The following RELN variants were observed in gnomAD, a reference collection of about 807,000 sequenced individuals.
RELN encodes the protein reelin.
A neutral mutation model predicts 427.6 loss-of-function variants in RELN; 108 were observed. That is an observed-to-expected ratio of 0.25 (90% CI 0.22 to 0.30). The LOEUF is 0.30. Ranked by LOEUF, RELN falls within the 10% of genes least tolerant of loss-of-function variation. RELN has a pLI of 1.00. For synonymous variants in RELN, 1,524 were observed against 1,513.4 expected, an observed-to-expected ratio of 1.01 and a Z score of -0.16; for missense variants, 3,715 against 4,302.8, an observed-to-expected ratio of 0.86 and a Z score of 3.82.
intron 57 of RELN, among the ~76,000 whole-genome samples, chr7:103,492,390 T>C (rs1828702954): frequency 2.0e-5 from 3 of 152,200 alleles, no homozygotes; most frequent in Admixed American, 1.3e-4. Flanking sequence ...AGCCTAACTT[T>C]CTTGATTGTT....
chr7:103,799,541 T>G (rs1385649370), intron 3 of RELN, among the ~76,000 whole-genome samples: 1 of 152,192 alleles, frequency 6.6e-6, no homozygotes, highest in Non-Finnish European at 1.5e-5. Context: ...TCCAATTATG[T>G]CTGGGGGAAT....
chr7:103,704,810 T>C (rs1197949315), intron 8 of RELN, among the ~76,000 whole-genome samples: 2 of 152,144 alleles, frequency 1.3e-5, no homozygotes, highest in Non-Finnish European at 2.9e-5. Flanking sequence ...TTTCTCACAA[T>C]CTATTTTCTT....
chr7:103,987,074 C>CAA (rs67498168), intron 1 of RELN, among the ~76,000 whole-genome samples: 12,541 of 118,936 alleles, frequency 0.11, 1,052 homozygotes, highest in East Asian at 0.28. Flanking sequence ...GAACATTTTA[C>CAA]AAAAAAAAAA....
chr7:103,786,232 TAAG>T (rs1792011367), intron 3 of RELN, among the ~76,000 whole-genome samples: 1 of 151,988 alleles, frequency 6.6e-6, no homozygotes, highest in Admixed American at 6.6e-5. Context: ...ATATTCATAC[TAAG>T]GAGAGATAAT....
chr7:103,540,394 G>T lies in RELN; in HGVS notation c.6733C>A (p.Pro2245Thr). The T allele has an allele frequency of 1.2e-6, 2 of 1,613,982 alleles. No homozygotes were observed. The highest frequency in any genetic ancestry group is 1.3e-5 in the African/African-American group (1 of 75,032). The change falls in exon 44 of 65, where the codon CCC (proline) becomes ACC (threonine). Residue 2245 changes from proline (P) to threonine (T), a missense_variant. By Grantham distance (38) the Pro-to-Thr change is conservative. Around this residue, in one of 4 missense-constraint regions of RELN, gnomAD observed 1,310 missense variants for 1,643.0 expected, o/e 0.80. Coordinates refer to ENST00000428762, the MANE Select transcript of RELN (RefSeq NM_005045.4). ...GKGVPDPRSQ[P>T]VLLQYSLNGG... ...TTGAGAGAATACTGTAGGAGCACGGGTTGACTCCTGGGGTCAGGAACGCCT... is the reference window on the plus strand; with the variant it reads ...TTGAGAGAATACTGTAGGAGCACGGTTTGACTCCTGGGGTCAGGAACGCCT...
intron 31 of RELN, among the ~76,000 whole-genome samples, chr7:103,567,421 T>G (rs947461913): frequency 5.9e-5 from 9 of 152,218 alleles, no homozygotes; most frequent in African/African-American, 2.2e-4. Flanking sequence ...TCCAGGGGAC[T>G]GCACATTAAA....
intron 9 of RELN, among the ~76,000 whole-genome samples, chr7:103,698,801 C>T (rs1375254678): frequency 6.6e-6 from 1 of 152,158 alleles, no homozygotes; most frequent in African/African-American, 2.4e-5. Flanking sequence ...TAGAGTGAGC[C>T]ACCGTGCCTG....
intron 51 of RELN, among the ~76,000 whole-genome samples, chr7:103,508,068 G>C (rs1303627793): frequency 6.6e-6 from 1 of 152,126 alleles, no homozygotes; most frequent in Non-Finnish European, 1.5e-5. Flanking sequence ...AAAAAGCCCA[G>C]GACCAGGTGG....
intron 64 of RELN, chr7:103,476,700 G>T (rs756846437): frequency 1.6e-5 from 6 of 365,540 alleles, no homozygotes; most frequent in Admixed American, 2.7e-5. Flanking sequence ...AATTGACATG[G>T]TTACTAAACA....
At chr7:103,867,454 T>C (rs903773963) in intron 2 of RELN, among the ~76,000 whole-genome samples, 3 of 152,092 alleles carry the variant, frequency 2.0e-5, no homozygotes, top group Non-Finnish European at 4.4e-5. Context: ...CTTTTTGTTT[T>C]GGAATATATA....
chr7:103,642,353 T>G lies in RELN; in HGVS notation c.2003-1744A>C, dbSNP rs987158926. On this transcript the variant is annotated intron_variant, in intron 16 of 64. Transcript: ENST00000428762. ...AAATGGGAGAGATTTCATAGTGTTT[T>G]TTTTTTTTTTTTTTGGCAAGTAAGC... Among the ~76,000 whole-genome samples, 10 of 147,936 alleles carry G rather than the reference T, an allele frequency of 6.8e-5. No individual in the cohort carries two copies. In the East Asian group the frequency reaches 1.4e-3, roughly 20 times the overall value.
In RELN at chr7:103,542,631, G is replaced by A. The variant is rs998674134; in HGVS notation, c.6671+100C>T. 4.1e-6 allele frequency: 5 copies of A among 1,222,312 alleles called. No homozygotes were observed. In the African/African-American group the frequency reaches 7.5e-5, roughly 18 times the overall value. 75.7% of individuals were successfully genotyped at this position (1,222,312 alleles called of 1,614,324 possible). A position where few individuals can be genotyped will look rare whatever the true frequency, so the allele number is the denominator to read the frequency against. The stretch of plus-strand genomic sequence containing the variant: ...AGAAGTTCAGTATTTACAATGGAAG[G>A]CCTTGTCCTTGAAATCGCTCTGCTT... On this transcript the variant is annotated intron_variant, in intron 43 of 64. Coordinates refer to ENST00000428762, the MANE Select transcript of RELN (RefSeq NM_005045.4).
At position 103,563,593 on chromosome 7, in the gene RELN, T is replaced by A. The variant is rs1047740809; in HGVS notation, c.5211-1640A>T. The stretch of plus-strand genomic sequence containing the variant: ...TGAAGAAAGAAAAATATTCTTTTTT[T>A]AAATTTAGTGGAGCCTAAGTGCATA... On this transcript the variant is annotated intron_variant, in intron 34 of 64. Coordinates refer to ENST00000428762, the MANE Select transcript of RELN (RefSeq NM_005045.4). This position sits in a 1 kb window ranked among gnomAD's most constrained non-coding sequence, Gnocchi z 4.1. Among the ~76,000 whole-genome samples the A allele has an allele frequency of 2.0e-5, 3 of 152,336 alleles. No homozygotes were observed. The highest frequency in any genetic ancestry group is 1.9e-4 in the East Asian group (1 of 5,188).
intron 20 of RELN, among the ~76,000 whole-genome samples, chr7:103,617,525 T>G (rs1280345645): frequency 2.6e-5 from 4 of 151,976 alleles, no homozygotes; most frequent in Non-Finnish European, 5.9e-5. Flanking sequence ...TGTGTATATA[T>G]ATGCATATAT....
chr7:103,729,450 TATTATTTTCATCTTTTGAGCC>T (rs1403122258), intron 6 of RELN, among the ~76,000 whole-genome samples: 1 of 152,186 alleles, frequency 6.6e-6, no homozygotes. Flanking sequence ...GATTAAATGA[TATTATTTTCATCTTTTGAGCC>T]GTGTTTCCAC....
intron 22 of RELN, among the ~76,000 whole-genome samples, chr7:103,605,813 ATTGT>A (rs1831806118): frequency 6.6e-6 from 1 of 152,098 alleles, no homozygotes; most frequent in Non-Finnish European, 1.5e-5. Context: ...CTAAGCCTTT[ATTGT>A]TTATTTTATC....
chr7:103,517,520 C>A (rs572024661), intron 49 of RELN, among the ~76,000 whole-genome samples: 4 of 152,300 alleles, frequency 2.6e-5, no homozygotes, highest in African/African-American at 9.6e-5. Context: ...TGCTTTTACC[C>A]TACAGAAACA....
At chr7:103,812,516 C>T (rs1321837533) in intron 3 of RELN, among the ~76,000 whole-genome samples, 4 of 152,150 alleles carry the variant, frequency 2.6e-5, no homozygotes, top group Non-Finnish European at 5.9e-5. Flanking sequence ...AAGATAAGAA[C>T]CTCATGCACT....
chr7:103,899,097 T>C (rs1795025319), intron 2 of RELN, among the ~76,000 whole-genome samples: 1 of 151,978 alleles, frequency 6.6e-6, no homozygotes, highest in Non-Finnish European at 1.5e-5. Context: ...CAATAAAAAA[T>C]GATAAAGGGG....
Sources: gnomAD v4.1 joint callset for allele counts (sites outside exome capture counted in the v4.1 genomes callset) on GRCh38, gnomAD v4.1.1 for gene constraint, gnomAD v4.1.1 regional missense constraint, Gnocchi (gnomAD v3.1) non-coding constraint, MANE v1.5 for transcripts, NCBI Gene and HGNC (gene_info 2026-07-23, HGNC 2026-07-21) for gene names.